The following KLHL6 variants were observed in gnomAD, a reference collection of about 807,000 sequenced individuals.
The protein encoded by KLHL6 is kelch like family member 6.
A neutral mutation model predicts 58.6 loss-of-function variants in KLHL6; 41 were observed. That is an observed-to-expected ratio of 0.70 (90% confidence interval 0.55 to 0.91). The LOEUF is 0.91. KLHL6 is among the 40% of genes least tolerant of loss of function. The pLI, the probability that KLHL6 is intolerant of heterozygous loss-of-function variation, is 0.00. For missense variants in KLHL6, 714 were observed against 805.6 expected, an observed-to-expected ratio of 0.89 and a Z score of 1.38; for synonymous variants, 338 against 322.7, an observed-to-expected ratio of 1.05 and a Z score of -0.51.
intron 2 of KLHL6, among the ~76,000 whole-genome samples, chr3:183,527,597 C>A (rs1327361254): frequency 6.6e-6 from 1 of 152,156 alleles, no homozygotes; most frequent in East Asian, 1.9e-4. Flanking sequence ...CCCCTGGCTT[C>A]ATCTTATTAA....
intron 1 of KLHL6, among the ~76,000 whole-genome samples, chr3:183,550,452 C>A (rs979032568): frequency 1.3e-5 from 2 of 152,052 alleles, no homozygotes; most frequent in African/African-American, 4.8e-5. Flanking sequence ...CGCACACACA[C>A]ACCCCTCCAA....
chr3:183,512,405 TAAG>T (rs1718214591), intron 2 of KLHL6, among the ~76,000 whole-genome samples: 1 of 152,252 alleles, frequency 6.6e-6, no homozygotes, highest in Non-Finnish European at 1.5e-5. Context: ...TGTTTATGTT[TAAG>T]AAGAATCCTT....
intron 3 of KLHL6, among the ~76,000 whole-genome samples, chr3:183,500,934 G>C (rs1247195703): frequency 6.6e-6 from 1 of 152,168 alleles, no homozygotes; most frequent in African/African-American, 2.4e-5. Context: ...ATCCAACCAA[G>C]AGCCACAAAT....
At position 183,491,873 on chromosome 3, in the gene KLHL6, G is replaced by C. The variant is rs1236600648; in HGVS notation, c.*54C>G. The C allele has an allele frequency of 2.8e-6, 4 of 1,410,354 alleles. No individual in the cohort carries two copies. The highest frequency in any genetic ancestry group is 2.8e-6 in the Non-Finnish European group (3 of 1,067,006). 87.4% of individuals were successfully genotyped at this position (1,410,354 alleles called of 1,614,324 possible). Reference sequence around the variant, plus strand: ...GAAGTGGGACTGGAGGAGGGTGAGAGGTGAGGCGGGTACGCTGAGGGTCGG... The same window carrying C: ...GAAGTGGGACTGGAGGAGGGTGAGACGTGAGGCGGGTACGCTGAGGGTCGG... On this transcript the variant is annotated 3_prime_UTR_variant, in exon 7 of 7. Coordinates refer to ENST00000341319, the MANE Select transcript of KLHL6 (RefSeq NM_130446.4).
chr3:183,536,189 G>T (rs1712358430), intron 1 of KLHL6, among the ~76,000 whole-genome samples: 1 of 152,186 alleles, frequency 6.6e-6, no homozygotes, highest in African/African-American at 2.4e-5. Context: ...TGACGTAAGG[G>T]AACAGGGGGG....
chr3:183,555,309 C>A (rs760964592), intron 1 of KLHL6, 52 bp downstream of exon 1: 3 of 1,530,516 alleles, frequency 2.0e-6, no homozygotes, highest in Non-Finnish European at 2.7e-6. Context: ...CACTAACACA[C>A]CTCTTCCTTG....
intron 1 of KLHL6, among the ~76,000 whole-genome samples, chr3:183,546,903 C>A (rs1247279565): frequency 7.2e-6 from 1 of 139,730 alleles, no homozygotes; most frequent in African/African-American, 2.7e-5. Flanking sequence ...AACCCCAGTG[C>A]CATAAGTCTT....
chr3:183,543,299 A>AAG (rs1201237200), intron 1 of KLHL6, among the ~76,000 whole-genome samples: 6 of 151,460 alleles, frequency 4.0e-5, no homozygotes, highest in African/African-American at 1.2e-4. Flanking sequence ...AAAAAAAAAA[A>AAG]AGAGAGAGAG....
rs35902105 is a variant in KLHL6 at position 183,530,830 on chromosome 3, ATT to A, written c.294-2822_294-2821del. ...ATGAGGTACTCAGCTGTGAACATGC[ATT>A]TTTTTTTTTTTTTTTTTGAGACAGA... On this transcript the variant is annotated intron_variant, in intron 1 of 6. Coordinates refer to ENST00000341319, the MANE Select transcript of KLHL6 (RefSeq NM_130446.4). Among the ~76,000 whole-genome samples the A allele has an allele frequency of 3.2e-3, 395 of 123,910 alleles. 1 individual carries two copies. The highest frequency in any genetic ancestry group is 6.4e-3 in the African/African-American group (220 of 34,560). The allele number at this position is 123,910 out of a possible 152,430, so 81.3% of individuals were successfully genotyped here. A position where few individuals can be genotyped will look rare whatever the true frequency, so the allele number is the denominator to read the frequency against.
chr3:183,527,723 CGTGT>C (rs146293695), intron 2 of KLHL6, 118 bp downstream of exon 2: 53 of 688,392 alleles, frequency 7.7e-5, no homozygotes, highest in Admixed American at 1.1e-4. Context: ...TGTTTGTGTG[CGTGT>C]GTGTGTGTGT....
chr3:183,538,582 T>A (rs1712440474), intron 1 of KLHL6, among the ~76,000 whole-genome samples: 1 of 152,228 alleles, frequency 6.6e-6, no homozygotes, highest in African/African-American at 2.4e-5. Flanking sequence ...TTTAAACTAG[T>A]CAGCATGTAC....
Position 183,499,443 on chromosome 3 carries a change from T to G in KLHL6, c.1147+147A>C. The G allele has an allele frequency of 1.6e-6, 1 of 607,520 alleles. No individual in the cohort carries two copies. Among genetic ancestry groups the G allele is most frequent in the East Asian group, 2.8e-5 (1 of 35,212 alleles). The allele number at this position is 607,520 out of a possible 1,614,324, so 37.6% of individuals were successfully genotyped here. A position where few individuals can be genotyped will look rare whatever the true frequency, so the allele number is the denominator to read the frequency against. On this transcript the variant is annotated intron_variant, in intron 4 of 6. Transcript: ENST00000341319. The surrounding 1 kb of genome is among the most constrained non-coding windows in gnomAD (Gnocchi z 4.6). Reference sequence around the variant, plus strand: ...ATGTACTCTCCAAGATAAGACCACCTGAGCTCCTGGGTCCATATCCTGTCT... The same window carrying G: ...ATGTACTCTCCAAGATAAGACCACCGGAGCTCCTGGGTCCATATCCTGTCT...
At chr3:183,540,438 AT>A (rs1005280622) in intron 1 of KLHL6, among the ~76,000 whole-genome samples, 15 of 152,028 alleles carry the variant, frequency 9.9e-5, no homozygotes, top group South Asian at 2.1e-4. Context: ...CAAATAAATT[AT>A]TTTTTCCCCT....
rs1415394073 is a variant in KLHL6 at position 183,490,023 on chromosome 3, T to G, written c.*1904A>C. Reference sequence around the variant, plus strand: ...AGTCCATTGGGTAACGCAGTTACTATGTTGTTATCATTGTTGCTTTTTAAA... The same window carrying G: ...AGTCCATTGGGTAACGCAGTTACTAGGTTGTTATCATTGTTGCTTTTTAAA... On this transcript the variant is annotated 3_prime_UTR_variant, in exon 7 of 7. Coordinates refer to ENST00000341319, the MANE Select transcript of KLHL6 (RefSeq NM_130446.4). The G allele has an allele frequency of 6.6e-6, 1 of 152,232 alleles. No individual in the cohort carries two copies. The highest frequency in any genetic ancestry group is 1.5e-5 in the Non-Finnish European group (1 of 68,036). 9.4% of individuals were successfully genotyped at this position (152,232 alleles called of 1,614,324 possible).
At position 183,491,701 on chromosome 3, in the gene KLHL6, T is replaced by C; in HGVS notation, c.*226A>G. 1 of 412,374 alleles carries C rather than the reference T, an allele frequency of 2.4e-6. No homozygotes were observed. Among genetic ancestry groups the C allele is most frequent in the Non-Finnish European group, 4.3e-6 (1 of 234,832 alleles). The allele number at this position is 412,374 out of a possible 1,614,324, so 25.5% of individuals were successfully genotyped here. ...TGGGTGGGTCCTGAATGCTAAATAT[T>C]ACTCTTCCTCGCCTCCCCTCCTGAG... On this transcript the variant is annotated 3_prime_UTR_variant, in exon 7 of 7. Coordinates refer to ENST00000341319, the MANE Select transcript of KLHL6 (RefSeq NM_130446.4).
Position 183,488,353 on chromosome 3 carries a change from G to C in KLHL6, c.*3574C>G, listed in dbSNP as rs1042355468. The stretch of plus-strand genomic sequence containing the variant: ...TAACTTGTGCCTCTGCTCTAAGAAG[G>C]GGATTCCTTCCTTAGTTCCTTGCCT... On this transcript the variant is annotated 3_prime_UTR_variant, in exon 7 of 7. Coordinates refer to ENST00000341319, the MANE Select transcript of KLHL6 (RefSeq NM_130446.4). 6 of 152,246 alleles carry C rather than the reference G, an allele frequency of 3.9e-5. No individual in the cohort carries two copies. Among genetic ancestry groups the C allele is most frequent in the African/African-American group, 1.2e-4 (5 of 41,454 alleles). 9.4% of individuals were successfully genotyped at this position (152,246 alleles called of 1,614,324 possible). A position where few individuals can be genotyped will look rare whatever the true frequency, so the allele number is the denominator to read the frequency against.
At chr3:183,532,812 C>G (rs948355754) in intron 1 of KLHL6, among the ~76,000 whole-genome samples, 3 of 152,108 alleles carry the variant, frequency 2.0e-5, no homozygotes, top group Non-Finnish European at 2.9e-5. Context: ...ACTCAGTGAG[C>G]AATGGTGAGC....
Position 183,488,349 on chromosome 3 carries a change from G to A in KLHL6, c.*3578C>T, listed in dbSNP as rs2108659319. The A allele has an allele frequency of 6.6e-6, 1 of 152,376 alleles. No individual in the cohort carries two copies. The highest frequency in any genetic ancestry group is 2.4e-5 in the African/African-American group (1 of 41,580). 9.4% of individuals were successfully genotyped at this position (152,376 alleles called of 1,614,324 possible). A position where few individuals can be genotyped will look rare whatever the true frequency, so the allele number is the denominator to read the frequency against. On this transcript the variant is annotated 3_prime_UTR_variant, in exon 7 of 7. Transcript: ENST00000341319. The stretch of plus-strand genomic sequence containing the variant: ...GCTCTAACTTGTGCCTCTGCTCTAA[G>A]AAGGGGATTCCTTCCTTAGTTCCTT...
intron 1 of KLHL6, among the ~76,000 whole-genome samples, chr3:183,554,677 A>G (rs996764688): frequency 1.3e-5 from 2 of 152,198 alleles, no homozygotes; most frequent in African/African-American, 4.8e-5. Flanking sequence ...CTTTTTCTCT[A>G]TGTCTGTTGA....
Sources: gnomAD v4.1 joint callset for allele counts (sites outside exome capture counted in the v4.1 genomes callset) on GRCh38, gnomAD v4.1.1 for gene constraint, Gnocchi (gnomAD v3.1) non-coding constraint, MANE v1.5 for transcripts, NCBI Gene and HGNC (gene_info 2026-07-23, HGNC 2026-07-21) for gene names.